SPOCK3: variants seen among roughly 807,000 people sequenced by gnomAD.
SPOCK3 encodes the protein SPARC (osteonectin), cwcv and kazal like domains proteoglycan 3.
SPOCK3 carries 30 observed loss-of-function variants against 56.6 expected under a neutral mutation model. The ratio of observed to expected loss-of-function variants is 0.53; its 90% CI spans 0.40 to 0.72. SPOCK3 has a LOEUF of 0.72. Ranked by LOEUF, SPOCK3 falls within the 30% of genes least tolerant of loss-of-function variation. The probability of loss-of-function intolerance (pLI) is 0.00; values close to 1 mark genes in which losing one functional copy is unlikely to be tolerated. For synonymous variants in SPOCK3, 196 were observed against 183.3 expected, an observed-to-expected ratio of 1.07 and a Z score of -0.56; for missense variants, 527 against 530.0, an observed-to-expected ratio of 0.99 and a Z score of 0.06.
chr4:167,194,414 A>G (rs1317804532), intron 2 of SPOCK3, among the ~76,000 whole-genome samples: 1 of 152,118 alleles, frequency 6.6e-6, no homozygotes, highest in African/African-American at 2.4e-5. Context: ...CAGCTTATAG[A>G]TCTCCATTTC....
At chr4:166,865,333 TG>T (rs1731702497) in intron 6 of SPOCK3, among the ~76,000 whole-genome samples, 1 of 152,178 alleles carries the variant, frequency 6.6e-6, no homozygotes, top group Non-Finnish European at 1.5e-5. Flanking sequence ...TCAAATTGAA[TG>T]GGCAATAGCT....
At chr4:166,951,406 C>A (rs1435405208) in intron 4 of SPOCK3, among the ~76,000 whole-genome samples, 2 of 139,798 alleles carry the variant, frequency 1.4e-5, no homozygotes, top group Admixed American at 6.9e-5. Context: ...TCTGAATAGA[C>A]CAATAACAGG....
At chr4:167,002,104 G>A (rs529725961) in intron 3 of SPOCK3, among the ~76,000 whole-genome samples, 12 of 151,880 alleles carry the variant, frequency 7.9e-5, no homozygotes, top group Admixed American at 5.2e-4. Context: ...GACTACAGGC[G>A]CCCACCACCA....
chr4:167,174,191 T>C lies in SPOCK3; in HGVS notation c.189+59794A>G, dbSNP rs182684011. On this transcript the variant is annotated intron_variant, in intron 2 of 10. Transcript: ENST00000357545. ...TAATGTAAACAGCAGTCATAAGATATTATATTAGTGTATGATTTGTCCAGT... is the reference window on the plus strand; with the variant it reads ...TAATGTAAACAGCAGTCATAAGATACTATATTAGTGTATGATTTGTCCAGT... 2.9e-3 allele frequency among the ~76,000 whole-genome samples: 447 copies of C among 152,196 alleles called. 3 individuals carry two copies. Among genetic ancestry groups the C allele is most frequent in the Non-Finnish European group, 3.2e-3 (219 of 67,986 alleles).
chr4:166,865,179 A>T (rs1731675217), intron 6 of SPOCK3, among the ~76,000 whole-genome samples: 1 of 152,178 alleles, frequency 6.6e-6, no homozygotes, highest in Non-Finnish European at 1.5e-5. Flanking sequence ...AATGACAAAA[A>T]CCACATGATT....
chr4:166,763,157 CCAGA>C (rs1350081808), intron 7 of SPOCK3, among the ~76,000 whole-genome samples: 1 of 151,608 alleles, frequency 6.6e-6, no homozygotes, highest in African/African-American at 2.4e-5. Context: ...TTAAAAGTAG[CCAGA>C]CAAATACTGA....
chr4:167,135,121 T>C (rs1231076748), intron 2 of SPOCK3, among the ~76,000 whole-genome samples: 9 of 150,310 alleles, frequency 6.0e-5, no homozygotes, highest in African/African-American at 2.2e-4. Flanking sequence ...ATTACATCAA[T>C]AATTACATAT....
chr4:166,737,485 T>C lies in SPOCK3; in HGVS notation c.1114A>G (p.Asn372Asp). 9 of 1,613,098 alleles carry C rather than the reference T, an allele frequency of 5.6e-6. No individual in the cohort carries two copies. Among genetic ancestry groups the C allele is most frequent in the Non-Finnish European group, 6.8e-6 (8 of 1,179,502 alleles). The change falls in exon 10 of 11, where the codon AAT (asparagine) becomes GAT (aspartate). Residue 372 changes from asparagine (N) to aspartate (D), a missense_variant. Physicochemically the swap from Asn to Asp is conservative, Grantham distance 23. Coordinates refer to ENST00000357545, the MANE Select transcript of SPOCK3 (RefSeq NM_001040159.2). ...YGNEVMGSRI[N>D]GVADCAIDFE... ...TCCTTACCACAATCTGCAACACCAT[T>C]TATTCTGGATCCCATGACTTCATTT...
In SPOCK3 at chr4:167,080,627, G is replaced by A. The variant is rs367854703; in HGVS notation, c.190-18090C>T. Among the ~76,000 whole-genome samples the A allele has an allele frequency of 9.2e-5, 14 of 151,998 alleles. No homozygotes were observed. In the East Asian group the frequency reaches 2.5e-3, roughly 28 times the overall value. On this transcript the variant is annotated intron_variant, in intron 2 of 10. Coordinates refer to ENST00000357545, the MANE Select transcript of SPOCK3 (RefSeq NM_001040159.2). ...CCTTGAGGAATTAGGTTAAGAGTGA[G>A]ATTTAGAAGAGTAAGTGGAATGACA...
chr4:166,826,006 G>C (rs1200512052), intron 6 of SPOCK3, among the ~76,000 whole-genome samples: 1 of 151,948 alleles, frequency 6.6e-6, no homozygotes, highest in Non-Finnish European at 1.5e-5. Context: ...ACTTATCCAT[G>C]TAACCAAAAC....
At chr4:166,948,362 T>C (rs1742049930) in intron 4 of SPOCK3, among the ~76,000 whole-genome samples, 1 of 151,944 alleles carries the variant, frequency 6.6e-6, no homozygotes, top group South Asian at 2.1e-4. Flanking sequence ...GCATTTCTTT[T>C]GAATATATAA....
chr4:167,169,058 G>A (rs1039132794), intron 2 of SPOCK3, among the ~76,000 whole-genome samples: 3 of 152,178 alleles, frequency 2.0e-5, no homozygotes, highest in Non-Finnish European at 4.4e-5. Flanking sequence ...GGAAACCTCT[G>A]CCTAGATTTC....
At chr4:166,816,567 C>T (rs1579310306) in intron 6 of SPOCK3, among the ~76,000 whole-genome samples, 1 of 152,096 alleles carries the variant, frequency 6.6e-6, no homozygotes, top group Middle Eastern at 3.4e-3. Context: ...CAAGGACAAG[C>T]TTCCTCTGGA....
rs541806802 is a variant in SPOCK3, at chr4:166,918,435, T to A, written c.351-5692A>T. 5.3e-5 allele frequency: 8 copies of A among 152,230 alleles called. No individual in the cohort carries two copies. In the South Asian group the frequency reaches 1.7e-3, roughly 32 times the overall value. 9.4% of individuals were successfully genotyped at this position (152,230 alleles called of 1,614,324 possible). A position where few individuals can be genotyped will look rare whatever the true frequency, so the allele number is the denominator to read the frequency against. ...CTAACCAGGCCCAGCCCTGCTTAGC[T>A]TCCTAGATCAGAAGAGGTCAGATAG... On this transcript the variant is annotated intron_variant, in intron 4 of 10. Transcript: ENST00000357545.
intron 6 of SPOCK3, among the ~76,000 whole-genome samples, chr4:166,824,535 T>G (rs1745258393): frequency 2.6e-5 from 4 of 152,134 alleles, no homozygotes; most frequent in Admixed American, 2.6e-4. Context: ...ACACTAAGTC[T>G]GCTGGGAGCG....
chr4:167,198,079 A>T (rs1247981919), intron 2 of SPOCK3, among the ~76,000 whole-genome samples: 1 of 152,192 alleles, frequency 6.6e-6, no homozygotes, highest in Non-Finnish European at 1.5e-5. Flanking sequence ...TTAATTCCCT[A>T]AAACAGAATA....
intron 3 of SPOCK3, among the ~76,000 whole-genome samples, chr4:167,047,131 A>G (rs1195557224): frequency 1.3e-5 from 2 of 152,228 alleles, no homozygotes; most frequent in African/African-American, 4.8e-5. Context: ...GAAGATAAGT[A>G]TAGTGAATTT....
chr4:166,987,540 G>A (rs1747303507), intron 4 of SPOCK3, among the ~76,000 whole-genome samples: 1 of 152,132 alleles, frequency 6.6e-6, no homozygotes, highest in Non-Finnish European at 1.5e-5. Context: ...TAACCCAGGT[G>A]CCTATATGCA....
chr4:166,847,647 T>TTATATATATATATATATATATATATATA (rs147015731), intron 6 of SPOCK3, among the ~76,000 whole-genome samples: 27 of 55,386 alleles, frequency 4.9e-4, no homozygotes, highest in Non-Finnish European at 6.6e-4. Context: ...AAATCCTAGT[T>TTATATATATATATATATATATATATATA]TATATATATA....
Sources: gnomAD v4.1 joint callset for allele counts (sites outside exome capture counted in the v4.1 genomes callset) on GRCh38, gnomAD v4.1.1 for gene constraint, MANE v1.5 for transcripts, NCBI Gene and HGNC (gene_info 2026-07-23, HGNC 2026-07-21) for gene names.